SLC25A39: variants seen among roughly 807,000 people sequenced by gnomAD.
SLC25A39 encodes solute carrier family 25 member 39, also known as mitochondrial glutathione transporter SLC25A39.
A neutral mutation model predicts 46.6 loss-of-function variants in SLC25A39; 44 were observed. The ratio of observed to expected loss-of-function variants is 0.94; its 90% confidence interval spans 0.74 to 1.21. The LOEUF is 1.21. SLC25A39 is among the 50% of genes most tolerant of loss of function. The probability of loss-of-function intolerance (pLI) is 0.00; values close to 1 mark genes in which losing one functional copy is unlikely to be tolerated. For missense variants in SLC25A39, 487 were observed against 473.0 expected, an observed-to-expected ratio of 1.03 and a Z score of -0.28; for synonymous variants, 218 against 190.6, an observed-to-expected ratio of 1.14 and a Z score of -1.19.
At position 44,323,297 on chromosome 17, in the gene SLC25A39, G is replaced by C; in HGVS notation, c.132C>G (p.Pro44=). The change falls in exon 3 of 12, where the codon CCC becomes CCG. Residue 44 remains proline (P), a synonymous_variant. Coordinates refer to ENST00000377095, the MANE Select transcript of SLC25A39 (RefSeq NM_001143780.3). ...TCAGGTACTCACCGCTGGCCATGGA[G>C]GGCCGCTGAGACTGCAGGCGAACCT... is the stretch of plus-strand genomic sequence containing the variant. ...VVKVRLQSQR[P]SMASELMPSS... 1 of 1,613,782 alleles carries C rather than the reference G, an allele frequency of 6.2e-7. No individual in the cohort carries two copies. The highest frequency in any genetic ancestry group is 8.5e-7 in the Non-Finnish European group (1 of 1,179,932).
Position 44,320,626 on chromosome 17 carries a change from CCT to C in SLC25A39, c.795_796del (p.Gly266AspfsTer11). On this transcript the variant is annotated frameshift_variant, in exon 9 of 12. Coordinates refer to ENST00000377095, the MANE Select transcript of SLC25A39 (RefSeq NM_001143780.3). LOFTEE classifies it high-confidence loss of function. ...CCTCCAGCCCAGTCCACTCACCGTC[CCT>C]GAGATGCCACCAGCCACAAAGCTCA... The C allele has an allele frequency of 1.2e-6, 2 of 1,613,862 alleles. No individual in the cohort carries two copies. The highest frequency in any genetic ancestry group is 8.5e-7 in the Non-Finnish European group (1 of 1,179,906).
At chr17:44,323,832 G>A (rs994604272) in intron 1 of SLC25A39, 7 of 479,802 alleles carry the variant, frequency 1.5e-5, no homozygotes, top group Non-Finnish European at 2.2e-5. Context: ...AGTAGAGACA[G>A]GGTTTCACCA....
intron 1 of SLC25A39, chr17:44,324,433 C>A (rs2048164222): frequency 1.3e-5 from 2 of 152,244 alleles, no homozygotes; most frequent in Admixed American, 1.3e-4. Flanking sequence ...CCCGCCCGGC[C>A]GGACGGGCCA....
At chr17:44,324,605 G>C (rs2048170819) in intron 1 of SLC25A39, 106 bp downstream of exon 1, 1 of 152,330 alleles carries the variant, frequency 6.6e-6, no homozygotes, top group Non-Finnish European at 1.5e-5. Context: ...GCCAGGTGAG[G>C]GGGACCACGC....
Position 44,321,415 on chromosome 17 carries a change from G to A in SLC25A39, c.517+19C>T, listed in dbSNP as rs752863840. ...GAGGTGGGGACAGAGGGAGGTCAAA[G>A]GCCCAAGACTATGCTCACGGCGGGC... On this transcript the variant is annotated intron_variant, in intron 7 of 11. Transcript: ENST00000377095. The A allele has an allele frequency of 3.7e-6, 6 of 1,613,670 alleles. No homozygotes were observed. The highest frequency in any genetic ancestry group is 2.2e-5 in the East Asian group (1 of 44,894).
chr17:44,320,162 G>A (rs2047973591), intron 11 of SLC25A39, 34 bp downstream of exon 11: 3 of 1,613,580 alleles, frequency 1.9e-6, no homozygotes, highest in South Asian at 1.1e-5. Flanking sequence ...TCGCAGGTCC[G>A]CCATGCCCCC....
chr17:44,321,570 GA>G lies in SLC25A39; in HGVS notation c.393-13del, dbSNP rs773746778. 1 of 1,613,698 alleles carries G rather than the reference GA, an allele frequency of 6.2e-7. No individual in the cohort carries two copies. The highest frequency in any genetic ancestry group is 8.5e-7 in the Non-Finnish European group (1 of 1,179,744). ...GCACAGTCATCACCCTGGGGATACA[GA>G]GAGAGGTTAGCTGGGACTCCCAAAA... On this transcript the variant is annotated splice_polypyrimidine_tract_variant and intron_variant, in intron 6 of 11. Coordinates refer to ENST00000377095, the MANE Select transcript of SLC25A39 (RefSeq NM_001143780.3).
chr17:44,323,434 G>GGCCCCCCCCCCCCCCCCCCCCCCCCC, intron 2 of SLC25A39, 44 bp downstream of exon 2: 1 of 1,367,924 alleles, frequency 7.3e-7, no homozygotes, highest in Non-Finnish European at 1.0e-6. Flanking sequence ...TCTCCGGTCT[G>GGCCCCCCCCCCCCCCCCCCCCCCCCC]CCCCATCCCC....
intron 1 of SLC25A39, 181 bp from the exon 2 acceptor site, chr17:44,323,758 C>T: frequency 3.4e-6 from 2 of 588,130 alleles, no homozygotes; most frequent in Non-Finnish European, 6.0e-6. Flanking sequence ...TCTCTTGCTT[C>T]AGCCTCCCAA....
In SLC25A39 at chr17:44,323,286, C is replaced by T; in HGVS notation, c.143G>A (p.Ser48Asn). 1 of 1,613,858 alleles carries T rather than the reference C, an allele frequency of 6.2e-7. No individual in the cohort carries two copies. The highest frequency in any genetic ancestry group is 8.5e-7 in the Non-Finnish European group (1 of 1,179,968). ...RLQSQRPSMA[S>N]ELMPSSRLWS... Reference sequence around the variant, plus strand: ...CTAGTTCCAGGTCAGGTACTCACCGCTGGCCATGGAGGGCCGCTGAGACTG... The same window carrying T: ...CTAGTTCCAGGTCAGGTACTCACCGTTGGCCATGGAGGGCCGCTGAGACTG... The change falls in exon 3 of 12, where the codon AGC (serine) becomes AAC (asparagine). Residue 48 changes from serine (S) to asparagine (N), a missense_variant and splice_region_variant. Ser to Asn is a conservative substitution (Grantham distance 46). Transcript: ENST00000377095.
chr17:44,322,827 C>G lies in SLC25A39; in HGVS notation c.171G>C (p.Trp57Cys). 6.2e-7 allele frequency: 1 copy of G among 1,614,034 alleles called. No individual in the cohort carries two copies. The highest frequency in any genetic ancestry group is 8.5e-7 in the Non-Finnish European group (1 of 1,179,960). ...ACTCACATTTGGTATAGGAGAGGCT[C>G]CACAGTCTGGAGGAAGGCATCAGCT... ...ASELMPSSRL[W>C]SLSYTKLPSS... The change falls in exon 4 of 12, where the codon TGG becomes TGC. Residue 57 changes from tryptophan (W) to cysteine (C), a missense_variant. Transcript: ENST00000377095.
chr17:44,320,969 C>T, intron 8 of SLC25A39, 89 bp downstream of exon 8: 3 of 1,413,436 alleles, frequency 2.1e-6, no homozygotes, highest in South Asian at 2.9e-5. Context: ...ACTTCATGGT[C>T]ACTAGTCACA....
intron 3 of SLC25A39, 149 bp downstream of exon 3, chr17:44,323,135 C>A: frequency 1.0e-6 from 1 of 999,606 alleles, no homozygotes; most frequent in Non-Finnish European, 1.5e-6. Flanking sequence ...GTTGGCCAGG[C>A]TGGCCTTGAA....
chr17:44,320,743 G>A lies in SLC25A39; in HGVS notation c.692-12C>T, dbSNP rs745370067. ...GAACCAGTACAGGGCTTGGGGTGGGGGATGCACTGATTAGAGACGGGAAGG... is the reference window on the plus strand; with the variant it reads ...GAACCAGTACAGGGCTTGGGGTGGGAGATGCACTGATTAGAGACGGGAAGG... On this transcript the variant is annotated splice_polypyrimidine_tract_variant and intron_variant, in intron 8 of 11. Transcript: ENST00000377095. 1.2e-6 allele frequency: 2 copies of A among 1,600,918 alleles called. No homozygotes were observed. The highest frequency in any genetic ancestry group is 3.3e-5 in the Admixed American group (2 of 59,898).
chr17:44,323,226 G>A (rs931552549), intron 3 of SLC25A39, 58 bp downstream of exon 3: 59 of 1,596,464 alleles, frequency 3.7e-5, no homozygotes, highest in Non-Finnish European at 5.1e-5. Context: ...GCCAGCCTCT[G>A]GGAGATCTTT....
At chr17:44,323,600 A>G in intron 1 of SLC25A39, 23 bp from the exon 2 acceptor site, 1 of 1,505,608 alleles carries the variant, frequency 6.6e-7, no homozygotes, top group Non-Finnish European at 9.0e-7. Flanking sequence ...CCTCAAACAG[A>G]CCACAACTCC....
chr17:44,323,453 C>A (rs754947926), intron 2 of SLC25A39, 25 bp downstream of exon 2: 1 of 1,483,036 alleles, frequency 6.7e-7, no homozygotes. Flanking sequence ...CCACCCGCCC[C>A]CACCCCACCT....
rs139561213 is a variant in SLC25A39, at chr17:44,320,065, C to T, written c.1016G>A (p.Ser339Asn). The T allele has an allele frequency of 1.2e-6, 2 of 1,614,092 alleles. No homozygotes were observed. The highest frequency in any genetic ancestry group is 2.2e-5 in the East Asian group (1 of 44,884). Residue 339 changes from serine to asparagine, a missense_variant, in exon 12 of 12, where the codon AGC (serine) becomes AAC (asparagine). Transcript: ENST00000377095. ...GAAGCTTTTGCCGAACTCATAGGTG[C>T]TGATCATGATGGCACAGGAGGGGGC... ...KAAPSCAIMI[S>N]TYEFGKSFFQ...
rs376332760 is a variant in SLC25A39, at chr17:44,323,302, G to A, written c.127C>T (p.Arg43Trp). 8.1e-5 allele frequency: 130 copies of A among 1,613,324 alleles called. No homozygotes were observed. Among genetic ancestry groups the A allele is most frequent in the Non-Finnish European group, 1.1e-4 (124 of 1,179,818 alleles). ...DVVKVRLQSQ[R>W]PSMASELMPS... ...TACTCACCGCTGGCCATGGAGGGCCGCTGAGACTGCAGGCGAACCTTCACC... is the reference window on the plus strand; with the variant it reads ...TACTCACCGCTGGCCATGGAGGGCCACTGAGACTGCAGGCGAACCTTCACC... Residue 43 changes from arginine to tryptophan, a missense_variant, in exon 3 of 12, where the codon CGG becomes TGG. By Grantham distance (101) the Arg-to-Trp change is moderately radical. Transcript: ENST00000377095.
Sources: gnomAD v4.1 joint callset for allele counts on GRCh38, gnomAD v4.1.1 for gene constraint, MANE v1.5 for transcripts, NCBI Gene and HGNC (gene_info 2026-07-23, HGNC 2026-07-21) for gene names.